The following EPHB1 variants were observed in gnomAD, a reference collection of about 807,000 sequenced individuals.
The protein encoded by EPHB1 is ephrin type-B receptor 1.
Under a neutral mutation model 94.4 loss-of-function variants are expected in EPHB1, and 30 were observed. The observed-to-expected ratio is 0.32, with a 90% CI of 0.24 to 0.43. The LOEUF (loss-of-function observed/expected upper bound fraction) is 0.43. Among genes scored for constraint, EPHB1 ranks in the 20% least tolerant of loss-of-function variants. The pLI is 1.00. For synonymous variants in EPHB1, 522 were observed against 489.1 expected (o/e 1.07, Z -0.89); for missense variants, 1,055 against 1,308.3 (o/e 0.81, Z 2.99).
chr3:134,856,237 A>G (rs116707958), intron 1 of EPHB1, among the ~76,000 whole-genome samples: 1,767 of 152,226 alleles, frequency 0.012, 37 homozygotes, highest in African/African-American at 0.04. Context: ...TGTGGAGAAC[A>G]CCAGCAGACA....
At chr3:135,110,054 C>T (rs960236521) in intron 4 of EPHB1, among the ~76,000 whole-genome samples, 24 of 151,994 alleles carry the variant, frequency 1.6e-4, no homozygotes, top group Middle Eastern at 3.4e-3. Flanking sequence ...TACTGGGGGA[C>T]GAAATGGAAA....
At chr3:135,198,450 G>A (rs532840147) in intron 11 of EPHB1, among the ~76,000 whole-genome samples, 1 of 152,282 alleles carries the variant, frequency 6.6e-6, no homozygotes, top group African/African-American at 2.4e-5. Flanking sequence ...ACCAACATTT[G>A]TGACTAATTG....
At chr3:134,919,525 A>G (rs1390223329) in intron 1 of EPHB1, among the ~76,000 whole-genome samples, 1 of 152,264 alleles carries the variant, frequency 6.6e-6, no homozygotes, top group African/African-American at 2.4e-5. Flanking sequence ...AGGCAGCAGG[A>G]GGTCCGGACA....
intron 3 of EPHB1, among the ~76,000 whole-genome samples, chr3:134,970,242 T>C (rs1933915124): frequency 6.6e-6 from 1 of 152,252 alleles, no homozygotes; most frequent in South Asian, 2.1e-4. Flanking sequence ...TCTAAAGTTT[T>C]ATGTTTTACA....
At chr3:135,140,953 G>C (rs1366801012) in intron 5 of EPHB1, among the ~76,000 whole-genome samples, 1 of 152,168 alleles carries the variant, frequency 6.6e-6, no homozygotes, top group Non-Finnish European at 1.5e-5. Flanking sequence ...AAAGATGGAG[G>C]AAAAAGGCAC....
chr3:134,842,606 C>T (rs1158514977), intron 1 of EPHB1, among the ~76,000 whole-genome samples: 1 of 152,244 alleles, frequency 6.6e-6, no homozygotes, highest in Non-Finnish European at 1.5e-5. Flanking sequence ...GCTTGGCTTT[C>T]CGTGGGCCTC....
Position 135,106,750 on chromosome 3 carries a change from T to C in EPHB1, c.961+147T>C, listed in dbSNP as rs148382248. On this transcript the variant is annotated intron_variant, in intron 4 of 15. Transcript: ENST00000398015. ...CCATGGTGCTGAAACATACAACTCC[T>C]ATGCTCGGAGTTCAGAGGCCTTGTC... is the stretch of plus-strand genomic sequence containing the variant. 153 of 1,014,928 alleles carry C rather than the reference T, an allele frequency of 1.5e-4. No individual in the cohort carries two copies. In the African/African-American group the frequency reaches 1.8e-3, roughly 12 times the overall value. The allele number at this position is 1,014,928 out of a possible 1,614,324, so 62.9% of individuals were successfully genotyped here.
chr3:134,910,385 G>A (rs936604559), intron 1 of EPHB1, among the ~76,000 whole-genome samples: 1 of 152,192 alleles, frequency 6.6e-6, no homozygotes, highest in Admixed American at 6.5e-5. Flanking sequence ...TACCTGGATC[G>A]TCAAATTCCT....
At chr3:134,918,970 G>A (rs2038623779) in intron 1 of EPHB1, among the ~76,000 whole-genome samples, 1 of 152,164 alleles carries the variant, frequency 6.6e-6, no homozygotes. Flanking sequence ...AGACAATGAA[G>A]TCTCCAGCTG....
At chr3:135,157,006 C>T (rs1001316341) in intron 6 of EPHB1, among the ~76,000 whole-genome samples, 1 of 152,114 alleles carries the variant, frequency 6.6e-6, no homozygotes, top group African/African-American at 2.4e-5. Context: ...CAGCGTGCAC[C>T]TATTGTGTGC....
chr3:134,831,335 C>A (rs1217239955), intron 1 of EPHB1, among the ~76,000 whole-genome samples: 1 of 152,182 alleles, frequency 6.6e-6, no homozygotes, highest in East Asian at 1.9e-4. Context: ...GACTCTGATC[C>A]CACGATTCTA....
chr3:135,187,761 C>A (rs575645527), intron 10 of EPHB1, among the ~76,000 whole-genome samples: 1 of 152,138 alleles, frequency 6.6e-6, no homozygotes, highest in African/African-American at 2.4e-5. Context: ...TTCACCATGT[C>A]CCCTGGCAAA....
chr3:134,944,303 C>T (rs78886144), intron 2 of EPHB1, among the ~76,000 whole-genome samples: 2,646 of 152,178 alleles, frequency 0.017, 23 homozygotes, highest in Non-Finnish European at 0.029. Context: ...GTACTTCATT[C>T]TTTTTTATTT....
At chr3:135,141,484 A>G (rs1275888487) in intron 5 of EPHB1, among the ~76,000 whole-genome samples, 4 of 152,012 alleles carry the variant, frequency 2.6e-5, no homozygotes, top group African/African-American at 9.7e-5. Context: ...ACACCATGTC[A>G]CATGCTGGTG....
intron 1 of EPHB1, among the ~76,000 whole-genome samples, chr3:134,813,962 T>G (rs2036221023): frequency 6.6e-6 from 1 of 152,170 alleles, no homozygotes; most frequent in Non-Finnish European, 1.5e-5. Flanking sequence ...CTTCTGGCTC[T>G]GAGAAAAGCA....
intron 11 of EPHB1, among the ~76,000 whole-genome samples, chr3:135,197,371 A>G (rs1390857299): frequency 1.3e-5 from 2 of 152,236 alleles, no homozygotes; most frequent in Non-Finnish European, 2.9e-5. Context: ...CCCAGAAGTC[A>G]GGAAGAGAAC....
At chr3:135,145,634 A>G (rs1940986069) in intron 5 of EPHB1, among the ~76,000 whole-genome samples, 1 of 152,192 alleles carries the variant, frequency 6.6e-6, no homozygotes. Context: ...AAAACTGCCA[A>G]TATTAGGGTA....
chr3:135,090,461 C>G (rs950975334), intron 3 of EPHB1, among the ~76,000 whole-genome samples: 1 of 152,200 alleles, frequency 6.6e-6, no homozygotes, highest in African/African-American at 2.4e-5. Flanking sequence ...ATGACTATAA[C>G]CTTATTTCAA....
At chr3:134,845,759 A>G (rs761393651) in intron 1 of EPHB1, among the ~76,000 whole-genome samples, 1 of 152,196 alleles carries the variant, frequency 6.6e-6, no homozygotes, top group Non-Finnish European at 1.5e-5. Flanking sequence ...TTTTCCTGCC[A>G]CTATCATTTT....
Sources: gnomAD v4.1 joint callset for allele counts (sites outside exome capture counted in the v4.1 genomes callset) on GRCh38, gnomAD v4.1.1 for gene constraint, MANE v1.5 for transcripts, NCBI Gene and HGNC (gene_info 2026-07-23, HGNC 2026-07-21) for gene names.